CNTN5: variants seen among roughly 807,000 people sequenced by gnomAD.
CNTN5 encodes contactin-5.
Under a neutral mutation model 129.1 loss-of-function variants are expected in CNTN5, and 77 were observed. The observed-to-expected ratio is 0.60, with a 90% CI of 0.50 to 0.72. CNTN5 has a LOEUF of 0.72. CNTN5 is among the 30% of genes least tolerant of loss of function. The pLI is 0.00. For synonymous variants in CNTN5, 509 were observed against 465.6 expected (o/e 1.09, Z -1.20); for missense variants, 1,478 against 1,328.8 (o/e 1.11, Z -1.75).
intron 2 of CNTN5, among the ~76,000 whole-genome samples, chr11:99,482,249 A>G (rs528637157): frequency 1.3e-5 from 2 of 152,322 alleles, no homozygotes; most frequent in Admixed American, 1.3e-4. Context: ...AGTTAGGCAA[A>G]ATGCTACTTT....
intron 2 of CNTN5, among the ~76,000 whole-genome samples, chr11:99,543,416 T>TG (rs1393239809): frequency 2.6e-5 from 4 of 152,142 alleles, no homozygotes; most frequent in Non-Finnish European, 5.9e-5. Flanking sequence ...ATCTTTCTGG[T>TG]GGGTGGCTTT....
Position 99,796,554 on chromosome 11 carries a change from G to A in CNTN5, c.56-22990G>A, listed in dbSNP as rs186590076. 1.6e-4 allele frequency among the ~76,000 whole-genome samples: 25 copies of A among 151,602 alleles called. 1 individual carries two copies. Among genetic ancestry groups the A allele is most frequent in the Admixed American group, 4.0e-4 (6 of 15,180 alleles). On this transcript the variant is annotated intron_variant, in intron 3 of 24. Transcript: ENST00000524871. ...TCTGCCAGCATATGAGCTATGATACGGGCCCCCAGAAGGCACTCTGGCTGG... is the reference window on the plus strand; with the variant it reads ...TCTGCCAGCATATGAGCTATGATACAGGCCCCCAGAAGGCACTCTGGCTGG...
chr11:99,254,374 CG>C (rs1234819519), intron 1 of CNTN5, among the ~76,000 whole-genome samples: 1 of 151,690 alleles, frequency 6.6e-6, no homozygotes, highest in Non-Finnish European at 1.5e-5. Flanking sequence ...TAAGTACTGC[CG>C]AAATACATCA....
At chr11:100,122,724 A>T (rs1222286954) in intron 13 of CNTN5, among the ~76,000 whole-genome samples, 1 of 152,042 alleles carries the variant, frequency 6.6e-6, no homozygotes, top group Admixed American at 6.6e-5. Flanking sequence ...AAATTGTCAG[A>T]GGGGAGGTCA....
intron 1 of CNTN5, among the ~76,000 whole-genome samples, chr11:99,319,213 C>T (rs960430961): frequency 1.3e-5 from 2 of 152,178 alleles, no homozygotes; most frequent in African/African-American, 4.8e-5. Context: ...ATGGAGTCTA[C>T]TGTTATCATT....
chr11:100,133,797 G>A (rs866012010), intron 13 of CNTN5, among the ~76,000 whole-genome samples: 10 of 152,086 alleles, frequency 6.6e-5, no homozygotes, highest in South Asian at 4.2e-4. Context: ...GGTTACCGAG[G>A]GTAAGTAATC....
chr11:100,021,419 T>C (rs186993261), intron 9 of CNTN5, among the ~76,000 whole-genome samples: 3 of 152,306 alleles, frequency 2.0e-5, no homozygotes, highest in Middle Eastern at 3.4e-3. Context: ...GTTGAAATTT[T>C]CTAATATATT....
chr11:99,559,759 T>G (rs1362752263), intron 3 of CNTN5, among the ~76,000 whole-genome samples: 1 of 152,160 alleles, frequency 6.6e-6, no homozygotes, highest in East Asian at 1.9e-4. Context: ...ATATAAGCGT[T>G]TACCAGAGAT....
In CNTN5 at chr11:99,764,828, G is replaced by A. The variant is rs550353739; in HGVS notation, c.56-54716G>A. ...TCAACTTGGACTATCCAGATTTCACGTGCCTAGTAAACGCATATGGCTGTA... is the reference window on the plus strand; with the variant it reads ...TCAACTTGGACTATCCAGATTTCACATGCCTAGTAAACGCATATGGCTGTA... On this transcript the variant is annotated intron_variant, in intron 3 of 24. Coordinates refer to ENST00000524871, the MANE Select transcript of CNTN5 (RefSeq NM_014361.4). 3.1e-4 allele frequency among the ~76,000 whole-genome samples: 47 copies of A among 152,190 alleles called. No homozygotes were observed. The South Asian group carries it at 8.5e-3, about 28-fold the overall frequency.
At chr11:100,153,777 A>G (rs549325596) in intron 13 of CNTN5, among the ~76,000 whole-genome samples, 6 of 152,142 alleles carry the variant, frequency 3.9e-5, no homozygotes, top group African/African-American at 1.4e-4. Flanking sequence ...GCTAACAAAT[A>G]ATTTGATGAC....
chr11:100,010,005 A>C (rs527950338), intron 9 of CNTN5, among the ~76,000 whole-genome samples: 1 of 152,250 alleles, frequency 6.6e-6, no homozygotes, highest in East Asian at 1.9e-4. Flanking sequence ...AGGGACCTTA[A>C]TGGAAATGGG....
chr11:100,032,565 A>G (rs911023938), intron 9 of CNTN5, among the ~76,000 whole-genome samples: 1 of 152,090 alleles, frequency 6.6e-6, no homozygotes, highest in Admixed American at 6.5e-5. Context: ...CTAACTGTCA[A>G]TGTTTTCTGG....
chr11:99,638,655 G>C (rs1177312368), intron 3 of CNTN5, among the ~76,000 whole-genome samples: 1 of 152,082 alleles, frequency 6.6e-6, no homozygotes, highest in Non-Finnish European at 1.5e-5. Flanking sequence ...GGGTTTTCAG[G>C]GTCCATGCAA....
rs559253486 is a variant in CNTN5, at chr11:99,143,796, CAT to C, written c.-210+122528_-210+122529del. On this transcript the variant is annotated intron_variant, in intron 1 of 24. Transcript: ENST00000524871. ...ACACATTACCAATTTGTTTTTCAAA[CAT>C]AACACATTTTTTTTGTATTGATAGT... Among the ~76,000 whole-genome samples the C allele has an allele frequency of 1.5e-3, 233 of 152,210 alleles. 2 individuals are homozygous for C. The highest frequency in any genetic ancestry group is 2.8e-3 in the Admixed American group (42 of 15,272).
At chr11:99,899,883 T>G (rs979152936) in intron 6 of CNTN5, among the ~76,000 whole-genome samples, 1 of 151,958 alleles carries the variant, frequency 6.6e-6, no homozygotes, top group African/African-American at 2.4e-5. Context: ...GTTAGGAGAT[T>G]TTTTCTTATT....
At chr11:99,586,412 C>T (rs950023105) in intron 3 of CNTN5, among the ~76,000 whole-genome samples, 1 of 152,154 alleles carries the variant, frequency 6.6e-6, no homozygotes, top group Non-Finnish European at 1.5e-5. Context: ...ATAAAAAATG[C>T]TCTAATTAAA....
intron 15 of CNTN5, 39 bp downstream of exon 15, chr11:100,193,702 T>G: frequency 6.4e-7 from 1 of 1,564,614 alleles, no homozygotes. Flanking sequence ...TAATGATAAC[T>G]TTAGAAATTT....
At chr11:99,128,370 C>G (rs961940176) in intron 1 of CNTN5, among the ~76,000 whole-genome samples, 1 of 152,216 alleles carries the variant, frequency 6.6e-6, no homozygotes, top group Non-Finnish European at 1.5e-5. Flanking sequence ...GCAGCTGTGG[C>G]AGATCACGGC....
chr11:99,539,162 A>T (rs544601928), intron 2 of CNTN5, among the ~76,000 whole-genome samples: 1 of 152,264 alleles, frequency 6.6e-6, no homozygotes, highest in East Asian at 1.9e-4. Context: ...TGAAATGATA[A>T]GTTTAAAATT....
Sources: gnomAD v4.1 joint callset for allele counts (sites outside exome capture counted in the v4.1 genomes callset) on GRCh38, gnomAD v4.1.1 for gene constraint, MANE v1.5 for transcripts, NCBI Gene and HGNC (gene_info 2026-07-23, HGNC 2026-07-21) for gene names.